Variants in CERS6 observed in about 807,000 individuals in gnomAD.
CERS6 encodes LAG1 homolog, ceramide synthase 6.
Under a neutral mutation model 56.8 loss-of-function variants are expected in CERS6, and 26 were observed. The ratio of observed to expected loss-of-function variants is 0.46; its 90% CI spans 0.34 to 0.63. The LOEUF is 0.63. CERS6 is among the 30% of genes least tolerant of loss of function. CERS6 has a pLI of 0.01. For missense variants in CERS6, 415 were observed against 467.5 expected (o/e 0.89, Z 1.04); for synonymous variants, 164 against 173.3 (o/e 0.95, Z 0.42).
rs1195382120 is a variant in CERS6, at chr2:168,717,756, G to T, written c.739-116G>T. 17 of 641,892 alleles carry T rather than the reference G, an allele frequency of 2.6e-5. No homozygotes were observed. The East Asian group carries it at 5.0e-4, about 19-fold the overall frequency. 39.8% of individuals were successfully genotyped at this position (641,892 alleles called of 1,614,324 possible). A position where few individuals can be genotyped will look rare whatever the true frequency, so the allele number is the denominator to read the frequency against. ...ATCGCAGGCTGAAATGCATAAAAAT[G>T]CAGGCAATTTTATGCATCTGGTAAG... On this transcript the variant is annotated intron_variant, in intron 7 of 9. Transcript: ENST00000305747.
intron 4 of CERS6, among the ~76,000 whole-genome samples, chr2:168,667,888 G>A (rs1412183898): frequency 6.6e-6 from 1 of 152,284 alleles, no homozygotes; most frequent in African/African-American, 2.4e-5. Context: ...ATGCATGGAG[G>A]GACCTTCTGT....
At chr2:168,505,704 A>G (rs1301917906) in intron 1 of CERS6, among the ~76,000 whole-genome samples, 2 of 152,140 alleles carry the variant, frequency 1.3e-5, no homozygotes, top group African/African-American at 4.8e-5. Context: ...AATTAAATTA[A>G]TTTGTTAGAG....
intron 6 of CERS6, among the ~76,000 whole-genome samples, chr2:168,704,591 C>T (rs1259845050): frequency 6.6e-6 from 1 of 152,168 alleles, no homozygotes; most frequent in Admixed American, 6.5e-5. Context: ...AAGGCTCACC[C>T]TTGCACCTTT....
At chr2:168,747,354 TAGATA>T (rs1684138782) in intron 8 of CERS6, among the ~76,000 whole-genome samples, 1 of 152,020 alleles carries the variant, frequency 6.6e-6, no homozygotes. Context: ...CTCATGTCAC[TAGATA>T]AAAGACATGA....
intron 1 of CERS6, among the ~76,000 whole-genome samples, chr2:168,535,668 AG>A (rs1695249178): frequency 2.8e-5 from 2 of 71,978 alleles, no homozygotes; most frequent in South Asian, 7.9e-4. Flanking sequence ...TTTTGATACC[AG>A]TTTTTTTTTT....
rs1684938345 is a variant in CERS6 at position 168,774,211 on chromosome 2, C to T, written c.*4549C>T. The T allele has an allele frequency of 6.6e-6, 1 of 152,192 alleles. No homozygotes were observed. The highest frequency in any genetic ancestry group is 2.1e-4 in the South Asian group (1 of 4,828). 9.4% of individuals were successfully genotyped at this position (152,192 alleles called of 1,614,324 possible). On this transcript the variant is annotated 3_prime_UTR_variant, in exon 10 of 10. Transcript: ENST00000305747. ...TGGTGTCTCCACAAAACTAGGCATT[C>T]TGGAGATTGCCCAGAAAGGGATGTG...
In CERS6 at chr2:168,695,024, T is replaced by C; in HGVS notation, c.582T>C (p.Phe194=). 1 of 1,613,492 alleles carries C rather than the reference T, an allele frequency of 6.2e-7. No homozygotes were observed. Among genetic ancestry groups the C allele is most frequent in the South Asian group, 1.1e-5 (1 of 91,062 alleles). ...LELSFYWSLM[F]SQFTDIKRKD... Reference sequence around the variant, plus strand: ...TGTCGTTTTATTGGTCTTTGATGTTTTCTCAGTTCACTGATATCAAAAGAA... The same window carrying C: ...TGTCGTTTTATTGGTCTTTGATGTTCTCTCAGTTCACTGATATCAAAAGAA... Residue 194 remains phenylalanine (F), a synonymous_variant, in exon 6 of 10, where the codon TTT becomes TTC. Coordinates refer to ENST00000305747, the MANE Select transcript of CERS6 (RefSeq NM_203463.3).
intron 6 of CERS6, among the ~76,000 whole-genome samples, chr2:168,711,813 G>T (rs1352086877): frequency 1.3e-5 from 2 of 151,690 alleles, no homozygotes; most frequent in Non-Finnish European, 2.9e-5. Flanking sequence ...TTACAAATTG[G>T]CTGTTATGAA....
At chr2:168,725,481 A>G (rs1379879021) in intron 8 of CERS6, among the ~76,000 whole-genome samples, 5 of 152,388 alleles carry the variant, frequency 3.3e-5, no homozygotes, top group South Asian at 4.1e-4. Flanking sequence ...TCCTTAAATA[A>G]TTTGATTGTT....
At chr2:168,640,438 G>C (rs957248856) in intron 4 of CERS6, among the ~76,000 whole-genome samples, 3 of 152,150 alleles carry the variant, frequency 2.0e-5, no homozygotes, top group African/African-American at 7.2e-5. Flanking sequence ...CTGTTCATTT[G>C]TTCATTCTTT....
intron 5 of CERS6, among the ~76,000 whole-genome samples, chr2:168,692,112 T>C (rs552311708): frequency 1.8e-4 from 27 of 152,166 alleles, no homozygotes; most frequent in Middle Eastern, 3.4e-3. Flanking sequence ...TTACGAGTGG[T>C]TTTTTCACAT....
chr2:168,754,154 T>A (rs1030226643), intron 8 of CERS6, among the ~76,000 whole-genome samples: 2 of 151,978 alleles, frequency 1.3e-5, no homozygotes, highest in African/African-American at 4.8e-5. Flanking sequence ...GCACTATGGG[T>A]CCGTGTCTCA....
intron 3 of CERS6, among the ~76,000 whole-genome samples, chr2:168,575,407 G>A (rs1271304791): frequency 1.3e-5 from 2 of 152,016 alleles, no homozygotes; most frequent in Admixed American, 1.3e-4. Context: ...CATGGTGGAA[G>A]GGGAGAGTGA....
At chr2:168,525,153 C>T (rs1695049111) in intron 1 of CERS6, among the ~76,000 whole-genome samples, 1 of 152,176 alleles carries the variant, frequency 6.6e-6, no homozygotes, top group African/African-American at 2.4e-5. Flanking sequence ...TCCTTCATTC[C>T]TTAAGACCAG....
chr2:168,546,408 G>A (rs868351630), intron 1 of CERS6, among the ~76,000 whole-genome samples: 1 of 152,176 alleles, frequency 6.6e-6, no homozygotes, highest in South Asian at 2.1e-4. Context: ...CATTTTCTCT[G>A]TCTTATCTTT....
At chr2:168,606,928 C>T (rs1274061061) in intron 3 of CERS6, among the ~76,000 whole-genome samples, 1 of 152,186 alleles carries the variant, frequency 6.6e-6, no homozygotes, top group Non-Finnish European at 1.5e-5. Flanking sequence ...GTGCCTGCAT[C>T]CCCTTTGCCT....
chr2:168,647,960 G>A (rs1033669493), intron 4 of CERS6, among the ~76,000 whole-genome samples: 2 of 152,076 alleles, frequency 1.3e-5, no homozygotes, highest in African/African-American at 4.8e-5. Context: ...AAGAATATTG[G>A]CCTGAAGTTT....
chr2:168,622,392 C>T lies in CERS6; in HGVS notation c.408-8593C>T, dbSNP rs1256978354. Among the ~76,000 whole-genome samples, 4 of 152,200 alleles carry T rather than the reference C, an allele frequency of 2.6e-5. No individual in the cohort carries two copies. In the East Asian group the frequency reaches 7.7e-4, roughly 29 times the overall value. On this transcript the variant is annotated intron_variant, in intron 3 of 9. Coordinates refer to ENST00000305747, the MANE Select transcript of CERS6 (RefSeq NM_203463.3). Reference sequence around the variant, plus strand: ...TTTGGACCAGCTTGCTGTATACCTTCTCTGTTCTTTACTCTTCAAAAGTAA... The same window carrying T: ...TTTGGACCAGCTTGCTGTATACCTTTTCTGTTCTTTACTCTTCAAAAGTAA...
intron 4 of CERS6, among the ~76,000 whole-genome samples, chr2:168,645,117 ATATAT>A (rs1389907756): frequency 7.5e-4 from 10 of 13,368 alleles, no homozygotes; most frequent in African/African-American, 1.1e-3. Flanking sequence ...AAAAAAAAAA[ATATAT>A]ATATATATAT....
Sources: gnomAD v4.1 joint callset for allele counts (sites outside exome capture counted in the v4.1 genomes callset) on GRCh38, gnomAD v4.1.1 for gene constraint, MANE v1.5 for transcripts, NCBI Gene and HGNC (gene_info 2026-07-23, HGNC 2026-07-21) for gene names.